Variants in SPATA21 observed in about 807,000 individuals in gnomAD.
The protein encoded by SPATA21 is spermatogenesis associated 21.
In SPATA21, 47 loss-of-function variants were observed where a neutral mutation model predicts 54.8. The observed-to-expected ratio is 0.86, with a 90% CI of 0.68 to 1.09. The LOEUF (loss-of-function observed/expected upper bound fraction) is 1.09, where lower values mean the gene tolerates loss of function less well. Ranked by LOEUF, SPATA21 falls within the 50% of genes least tolerant of loss-of-function variation. The pLI is 0.00. For synonymous variants in SPATA21, 245 were observed against 235.3 expected (o/e 1.04, Z -0.38); for missense variants, 599 against 596.4 (o/e 1.00, Z -0.05).
Position 16,421,848 on chromosome 1 carries a change from C to T in SPATA21, c.95+63G>A. The T allele has an allele frequency of 1.2e-6, 2 of 1,612,832 alleles. No individual in the cohort carries two copies. On this transcript the variant is annotated intron_variant, in intron 4 of 12. Transcript: ENST00000335496. The surrounding 1 kb of genome is among the most constrained non-coding windows in gnomAD (Gnocchi z 5.2). ...GCAGTCTGGACTAGAATTCACCCCA[C>T]CTGAAACTCAGCAGAAGAGCATCCT...
At chr1:16,413,143 T>TAGAAC (rs71574182) in intron 5 of SPATA21, among the ~76,000 whole-genome samples, 46,854 of 151,678 alleles carry the variant, frequency 0.31, 7,459 homozygotes, top group African/African-American at 0.34. Context: ...TTTCATCTTG[T>TAGAAC]AGAACAGAAA....
At chr1:16,398,555 G>T (rs1053412297), downstream of SPATA21, 7 of 588,190 alleles carry the variant, frequency 1.2e-5, no homozygotes, top group African/African-American at 5.6e-5. Flanking sequence ...ACCCCGCGCA[G>T]GGCTTTGAGG....
At chr1:16,417,619 G>A (rs768775120) in intron 5 of SPATA21, among the ~76,000 whole-genome samples, 7 of 151,282 alleles carry the variant, frequency 4.6e-5, no homozygotes, top group South Asian at 2.1e-4. Context: ...TAGTAGAGAC[G>A]GGGTTTTTTT....
intron 1 of SPATA21, among the ~76,000 whole-genome samples, chr1:16,436,789 A>G (rs1168079783): frequency 6.7e-6 from 1 of 150,276 alleles, no homozygotes; most frequent in Non-Finnish European, 1.5e-5. Flanking sequence ...AATGTAAACA[A>G]AAAAAAAACA....
rs551977305 is a variant in SPATA21 at position 16,402,611 on chromosome 1, C to T, written c.1001+1116G>A. 3.5e-5 allele frequency among the ~76,000 whole-genome samples: 4 copies of T among 114,650 alleles called. No individual in the cohort carries two copies. In the East Asian group the frequency reaches 1.1e-3, roughly 32 times the overall value. The allele number at this position is 114,650 out of a possible 152,430, so 75.2% of individuals were successfully genotyped here. On this transcript the variant is annotated intron_variant, in intron 10 of 12. Transcript: ENST00000335496. ...TCGTTCTGTCACCAAGGCTGGAGTG[C>T]AGTGGTGCCATCATGGCTCACTGCA...
At chr1:16,416,227 C>T (rs151124823) in intron 5 of SPATA21, among the ~76,000 whole-genome samples, 30 of 152,276 alleles carry the variant, frequency 2.0e-4, no homozygotes, top group African/African-American at 7.2e-4. Context: ...CTTCCTAGGC[C>T]CAGCTTTTTG....
At chr1:16,416,680 C>CAA (rs71574184) in intron 5 of SPATA21, among the ~76,000 whole-genome samples, 6 of 130,286 alleles carry the variant, frequency 4.6e-5, no homozygotes, top group Non-Finnish European at 8.1e-5. Context: ...GACTCCATCT[C>CAA]AAAAAAAAAA....
intron 3 of SPATA21, chr1:16,425,454 G>T: frequency 6.8e-7 from 1 of 1,475,470 alleles, no homozygotes; most frequent in Non-Finnish European, 9.2e-7. Flanking sequence ...GGGCATGATA[G>T]GAGGGGGGCT....
At chr1:16,406,615 G>T (rs1158707010) in intron 7 of SPATA21, among the ~76,000 whole-genome samples, 1 of 152,110 alleles carries the variant, frequency 6.6e-6, no homozygotes, top group African/African-American at 2.4e-5. Context: ...AGTGGCACAT[G>T]CCTGTAGTCC....
At chr1:16,405,163 C>G in intron 7 of SPATA21, 59 bp from the exon 8 acceptor site, 2 of 1,561,040 alleles carry the variant, frequency 1.3e-6, no homozygotes, top group Non-Finnish European at 1.7e-6. Context: ...TCATTCATCC[C>G]ATTACCCCAA....
In SPATA21 at chr1:16,409,249, C is replaced by T. The variant is rs769967458; in HGVS notation, c.588-46G>A. ...ACCCAGGGCAACATCCGGCCGCCCA[C>T]CCTGCTGATAGCTAGGGGAGGGGTT... On this transcript the variant is annotated intron_variant, in intron 6 of 12. Transcript: ENST00000335496. This position sits in a 1 kb window ranked among gnomAD's most constrained non-coding sequence, Gnocchi z 4.1. The T allele has an allele frequency of 6.2e-7, 1 of 1,607,540 alleles. No homozygotes were observed. The highest frequency in any genetic ancestry group is 8.5e-7 in the Non-Finnish European group (1 of 1,175,364).
At chr1:16,422,002 C>T in intron 3 of SPATA21, 31 bp from the exon 4 acceptor site, 1 of 1,614,178 alleles carries the variant, frequency 6.2e-7, no homozygotes, top group Non-Finnish European at 8.5e-7. Context: ...GGGGGCATTG[C>T]TTCCTGAGAG....
Position 16,404,031 on chromosome 1 carries a change from G to A in SPATA21, c.820C>T (p.Arg274Cys), listed in dbSNP as rs1274415880. ...GCCAAGAAGTCTTTGAAGTCCACACGACCATCTCCTGTGGAGGCCAGAGGA... is the reference window on the plus strand; with the variant it reads ...GCCAAGAAGTCTTTGAAGTCCACACAACCATCTCCTGTGGAGGCCAGAGGA... ...LMSADVNGDG[R>C]VDFKDFLAVM... is the part of the protein sequence containing the mutation. The change falls in exon 9 of 13, where the codon CGT (arginine) becomes TGT (cysteine). Residue 274 changes from arginine (R) to cysteine (C), a missense_variant. Coordinates refer to ENST00000335496, the MANE Select transcript of SPATA21 (RefSeq NM_198546.1). 12 of 1,554,716 alleles carry A rather than the reference G, an allele frequency of 7.7e-6. No homozygotes were observed. The highest frequency in any genetic ancestry group is 2.7e-5 in the African/African-American group (2 of 73,312).
chr1:16,428,340 G>A lies in SPATA21; in HGVS notation c.34+2998C>T, dbSNP rs78233310. ...AAGACTCTCACAAGGTCCAAGAGAC[G>A]CCTTCAACAATTCCCATGCCTTCAA... On this transcript the variant is annotated intron_variant, in intron 3 of 12. Coordinates refer to ENST00000335496, the MANE Select transcript of SPATA21 (RefSeq NM_198546.1). The surrounding 1 kb of genome is among the most constrained non-coding windows in gnomAD (Gnocchi z 4.3). 0.047 allele frequency among the ~76,000 whole-genome samples: 7,223 copies of A among 152,242 alleles called. 256 individuals carry two copies. Among genetic ancestry groups the A allele is most frequent in the Non-Finnish European group, 0.072 (4,923 of 67,996 alleles).
At chr1:16,408,893 C>A (rs1379800724) in intron 7 of SPATA21, among the ~76,000 whole-genome samples, 5 of 130,930 alleles carry the variant, frequency 3.8e-5, no homozygotes, top group African/African-American at 1.5e-4. Context: ...AAAAAAAGAC[C>A]CAGCATGAGT....
chr1:16,409,069 AC>A lies in SPATA21; in HGVS notation c.673+48del, dbSNP rs752070122. The A allele has an allele frequency of 2.5e-6, 4 of 1,602,330 alleles. No homozygotes were observed. Among genetic ancestry groups the A allele is most frequent in the Non-Finnish European group, 3.4e-6 (4 of 1,169,714 alleles). ...GCCCTGCGCCTATAAACCCCCAAGG[AC>A]CAAGGGTCCTGCCTGTGCTGGGACC... On this transcript the variant is annotated intron_variant, in intron 7 of 12. Coordinates refer to ENST00000335496, the MANE Select transcript of SPATA21 (RefSeq NM_198546.1). The surrounding 1 kb of genome is among the most constrained non-coding windows in gnomAD (Gnocchi z 4.1).
chr1:16,419,087 A>C (rs2086098919), intron 5 of SPATA21, among the ~76,000 whole-genome samples: 1 of 152,182 alleles, frequency 6.6e-6, no homozygotes. Context: ...AAGACAATAA[A>C]ACAGGACAAT....
downstream of SPATA21, chr1:16,396,123 T>G (rs2085307569): frequency 6.6e-6 from 1 of 152,566 alleles, no homozygotes; most frequent in African/African-American, 2.4e-5. Context: ...AGAGAAGACT[T>G]GTTTAGTATT....
At chr1:16,435,057 A>G (rs1262034976) in intron 1 of SPATA21, among the ~76,000 whole-genome samples, 1 of 151,824 alleles carries the variant, frequency 6.6e-6, no homozygotes, top group Admixed American at 6.6e-5. Context: ...GAATCTCACT[A>G]TGTTGTCCAG....
Sources: allele counts gnomAD v4.1 joint callset (sites outside exome capture counted in the v4.1 genomes callset), GRCh38; gene constraint gnomAD v4.1.1; non-coding constraint Gnocchi (gnomAD v3.1); transcripts MANE v1.5; gene names NCBI Gene and HGNC (gene_info 2026-07-23, HGNC 2026-07-21).